KCNQ2: variants seen among roughly 807,000 people sequenced by gnomAD.
KCNQ2 encodes the protein potassium voltage-gated channel subfamily Q member 2.
In KCNQ2, 14 loss-of-function variants were observed where a neutral mutation model predicts 84.8. That is an observed-to-expected ratio of 0.17 (90% CI 0.11 to 0.26). KCNQ2 has a LOEUF of 0.26. Ranked by LOEUF, KCNQ2 falls within the 10% of genes least tolerant of loss-of-function variation. The pLI is 1.00. For missense variants in KCNQ2, 788 were observed against 1,254.0 expected (o/e 0.63, Z 5.61); for synonymous variants, 599 against 554.1 (o/e 1.08, Z -1.14).
At chr20:63,451,468 C>G (rs77632744) in intron 1 of KCNQ2, among the ~76,000 whole-genome samples, 1 of 152,138 alleles carries the variant, frequency 6.6e-6, no homozygotes, top group African/African-American at 2.4e-5. Flanking sequence ...CTAGGGAGAA[C>G]CTGCCTGCTT....
At chr20:63,413,625 C>T (rs2080194972) in intron 14 of KCNQ2, 44 bp from the exon 15 acceptor site, 6 of 1,611,114 alleles carry the variant, frequency 3.7e-6, no homozygotes, top group Non-Finnish European at 4.2e-6. Flanking sequence ...GCCAGAGACC[C>T]CCGGCCACAG....
At position 63,472,214 on chromosome 20, in the gene KCNQ2, C is replaced by A; in HGVS notation, c.250G>T (p.Val84Leu). The change falls in exon 1 of 17, where the codon GTG (valine) becomes TTG (leucine). Residue 84 changes from valine (V) to leucine (L), a missense_variant. Transcript: ENST00000359125. Reference sequence around the variant, plus strand: ...GCCCAGCCGCGCGGCCGCTCCAGCACGTTGTAGAGGAAATTCTGCAGCTTG... The same window carrying A: ...GCCCAGCCGCGCGGCCGCTCCAGCAAGTTGTAGAGGAAATTCTGCAGCTTG... ...YRKLQNFLYN[V>L]LERPRGWAFI... The A allele has an allele frequency of 6.5e-7, 1 of 1,548,168 alleles. No homozygotes were observed. Among genetic ancestry groups the A allele is most frequent in the Non-Finnish European group, 8.7e-7 (1 of 1,148,288 alleles).
chr20:63,416,849 C>T (rs1746105667), intron 12 of KCNQ2, among the ~76,000 whole-genome samples: 1 of 152,188 alleles, frequency 6.6e-6, no homozygotes. Flanking sequence ...GATCGCTTGG[C>T]TGCCCCTCCC....
At chr20:63,444,907 C>T (rs1167971640) in intron 3 of KCNQ2, 73 bp from the exon 4 acceptor site, 24 of 1,462,316 alleles carry the variant, frequency 1.6e-5, no homozygotes, top group East Asian at 7.1e-5. Flanking sequence ...CTCCCCACCC[C>T]GCGTTCCAGG....
intron 4 of KCNQ2, among the ~76,000 whole-genome samples, chr20:63,443,256 TCGC>T (rs763308748): frequency 0.023 from 278 of 11,988 alleles, 4 homozygotes; most frequent in African/African-American, 0.066. Flanking sequence ...CACATCACCA[TCGC>T]CACCATCATC....
Position 63,414,234 on chromosome 20 carries a change from G to A in KCNQ2, c.1526-41C>T, listed in dbSNP as rs372098689. 4.3e-5 allele frequency: 63 copies of A among 1,448,650 alleles called. No individual in the cohort carries two copies. The highest frequency in any genetic ancestry group is 2.5e-4 in the East Asian group (11 of 43,862). The allele number at this position is 1,448,650 out of a possible 1,614,324, so 89.7% of individuals were successfully genotyped here. A position where few individuals can be genotyped will look rare whatever the true frequency, so the allele number is the denominator to read the frequency against. On this transcript the variant is annotated intron_variant, in intron 13 of 16. Coordinates refer to ENST00000359125, the MANE Select transcript of KCNQ2 (RefSeq NM_172107.4). The surrounding 1 kb of genome is among the most constrained non-coding windows in gnomAD (Gnocchi z 6.6). ...CAGGCCGTGAGGGGCCGAGGGGGCC[G>A]GGAGACCTATTCCCGGGGTCCTGCA...
chr20:63,472,118 C>T, intron 1 of KCNQ2, 50 bp downstream of exon 1: 1 of 1,357,432 alleles, frequency 7.4e-7, no homozygotes, highest in East Asian at 3.0e-5. Flanking sequence ...ATGGGGTCGC[C>T]GATGGGGGTC....
At chr20:63,436,935 C>G (rs1243335762) in intron 7 of KCNQ2, among the ~76,000 whole-genome samples, 1 of 152,036 alleles carries the variant, frequency 6.6e-6, no homozygotes, top group Non-Finnish European at 1.5e-5. Flanking sequence ...TGCCACCACG[C>G]CCAGCTAATT....
At chr20:63,451,237 G>A (rs1568954284) in intron 1 of KCNQ2, among the ~76,000 whole-genome samples, 2 of 151,930 alleles carry the variant, frequency 1.3e-5, no homozygotes, top group Non-Finnish European at 2.9e-5. Context: ...AGTTCTCCCT[G>A]GAGGCCTCTG....
At chr20:63,452,007 G>A (rs1367146272) in intron 1 of KCNQ2, among the ~76,000 whole-genome samples, 1 of 152,240 alleles carries the variant, frequency 6.6e-6, no homozygotes, top group East Asian at 1.9e-4. Context: ...AAGCAGAGGT[G>A]GAGGCTTCGG....
In KCNQ2 at chr20:63,460,368, G is replaced by T. The variant is rs1050762738; in HGVS notation, c.296+11800C>A. On this transcript the variant is annotated intron_variant, in intron 1 of 16. Coordinates refer to ENST00000359125, the MANE Select transcript of KCNQ2 (RefSeq NM_172107.4). The surrounding 1 kb of genome is among the most constrained non-coding windows in gnomAD (Gnocchi z 5.4). ...CTCCCTTCATGGGCTCAAGCTGCCTGTCAGCCCCACCCGAAACCCATTCAG... is the reference window on the plus strand; with the variant it reads ...CTCCCTTCATGGGCTCAAGCTGCCTTTCAGCCCCACCCGAAACCCATTCAG... 2.0e-5 allele frequency among the ~76,000 whole-genome samples: 3 copies of T among 152,096 alleles called. No homozygotes were observed. The highest frequency in any genetic ancestry group is 4.4e-5 in the Non-Finnish European group (3 of 68,006).
intron 1 of KCNQ2, among the ~76,000 whole-genome samples, chr20:63,453,189 C>T (rs979988672): frequency 4.6e-5 from 7 of 152,198 alleles, no homozygotes; most frequent in African/African-American, 9.7e-5. Context: ...ACCAGTCCTC[C>T]GCCCGCCGCC....
At chr20:63,421,648 G>C (rs1028978057) in intron 11 of KCNQ2, among the ~76,000 whole-genome samples, 1 of 152,138 alleles carries the variant, frequency 6.6e-6, no homozygotes, top group South Asian at 2.1e-4. Context: ...AAAACACGCG[G>C]ACACGTGTGC....
chr20:63,411,724 G>A (rs1477129901), intron 15 of KCNQ2: 7 of 578,216 alleles, frequency 1.2e-5, no homozygotes, highest in African/African-American at 2.0e-5. Context: ...GGCCTGGAGC[G>A]AAGGGGCCGG....
rs935241613 is a variant in KCNQ2, at chr20:63,400,992, C to T, written c.*5652G>A. The T allele has an allele frequency of 5.3e-5, 21 of 397,142 alleles. No homozygotes were observed. The highest frequency in any genetic ancestry group is 3.1e-4 in the Admixed American group (7 of 22,692). 24.6% of individuals were successfully genotyped at this position (397,142 alleles called of 1,614,324 possible). Reference sequence around the variant, plus strand: ...AAACCCAGGCGGAGTTGGCGTGTGGCGATGGCGATGTGCACGTGCCTGCCT... The same window carrying T: ...AAACCCAGGCGGAGTTGGCGTGTGGTGATGGCGATGTGCACGTGCCTGCCT... On this transcript the variant is annotated 3_prime_UTR_variant, in exon 17 of 17. Transcript: ENST00000359125. This position sits in a 1 kb window ranked among gnomAD's most constrained non-coding sequence, Gnocchi z 8.7.
At chr20:63,436,870 G>A (rs1335740367) in intron 7 of KCNQ2, among the ~76,000 whole-genome samples, 3 of 145,630 alleles carry the variant, frequency 2.1e-5, no homozygotes, top group East Asian at 4.2e-4. Flanking sequence ...TCCGTCTCCC[G>A]GGTTCAAGTG....
At chr20:63,463,412 G>A (rs1416928345) in intron 1 of KCNQ2, among the ~76,000 whole-genome samples, 1 of 152,142 alleles carries the variant, frequency 6.6e-6, no homozygotes, top group African/African-American at 2.4e-5. Flanking sequence ...GGAGAAGGAA[G>A]CCCAGCCGGC....
intron 1 of KCNQ2, among the ~76,000 whole-genome samples, chr20:63,467,087 G>A (rs971074407): frequency 6.6e-6 from 1 of 151,956 alleles, no homozygotes; most frequent in Non-Finnish European, 1.5e-5. Context: ...CATTGCTCCC[G>A]CCTGAGCCTT....
chr20:63,432,012 A>ACCC (rs2080811740), intron 8 of KCNQ2, among the ~76,000 whole-genome samples: 1 of 148,126 alleles, frequency 6.8e-6, no homozygotes, highest in African/African-American at 2.5e-5. Context: ...GGAAGGCCCC[A>ACCC]TCCACAGGGA....
Sources: gnomAD v4.1 joint callset for allele counts (sites outside exome capture counted in the v4.1 genomes callset) on GRCh38, gnomAD v4.1.1 for gene constraint, Gnocchi (gnomAD v3.1) non-coding constraint, MANE v1.5 for transcripts, NCBI Gene and HGNC (gene_info 2026-07-23, HGNC 2026-07-21) for gene names.